The following SGCZ variants were observed in gnomAD, a reference collection of about 807,000 sequenced individuals.
The protein encoded by SGCZ is sarcoglycan zeta, also known as zeta-sarcoglycan.
SGCZ carries 40 observed loss-of-function variants against 41.3 expected under a neutral mutation model. The ratio of observed to expected loss-of-function variants is 0.97; its 90% CI spans 0.75 to 1.26. The LOEUF (loss-of-function observed/expected upper bound fraction) is 1.26. Ranked by LOEUF, SGCZ falls within the 50% of genes most tolerant of loss-of-function variation. The pLI is 0.00. For synonymous variants in SGCZ, 206 were observed against 137.5 expected (o/e 1.50, Z -3.49); for missense variants, 552 against 369.8 (o/e 1.49, Z -4.04).
intron 1 of SGCZ, among the ~76,000 whole-genome samples, chr8:14,601,529 T>C (rs1192682311): frequency 6.6e-6 from 1 of 152,190 alleles, no homozygotes; most frequent in Non-Finnish European, 1.5e-5. Flanking sequence ...TTTATGTGTT[T>C]TATATGTTCG....
At chr8:14,143,344 A>G (rs1366910905) in intron 5 of SGCZ, among the ~76,000 whole-genome samples, 1 of 152,170 alleles carries the variant, frequency 6.6e-6, no homozygotes, top group Non-Finnish European at 1.5e-5. Context: ...AAAGAAATAA[A>G]ATACATACAG....
At chr8:14,562,708 T>G (rs1804242497) in intron 1 of SGCZ, among the ~76,000 whole-genome samples, 1 of 151,998 alleles carries the variant, frequency 6.6e-6, no homozygotes, top group East Asian at 1.9e-4. Context: ...TTTTGAGAGA[T>G]AAAGAAAATC....
At chr8:14,489,943 C>T (rs543958440) in intron 2 of SGCZ, among the ~76,000 whole-genome samples, 1 of 150,472 alleles carries the variant, frequency 6.6e-6, no homozygotes, top group South Asian at 2.1e-4. Flanking sequence ...TCTTGGCTCA[C>T]TGCAACCTCC....
chr8:14,818,122 A>G (rs1019957446), intron 1 of SGCZ, among the ~76,000 whole-genome samples: 1 of 151,550 alleles, frequency 6.6e-6, no homozygotes, highest in South Asian at 2.1e-4. Flanking sequence ...AGTGACCCCA[A>G]CTCCCTGGAG....
rs181434187 is a variant in SGCZ at position 14,915,245 on chromosome 8, A to G, written c.39+322340T>C. ...CAAGCCTTTATTAGGAAAGAAATCT[A>G]TTTGAACATGTATATATGCTGTTAT... On this transcript the variant is annotated intron_variant, in intron 1 of 7. Transcript: ENST00000382080. Among the ~76,000 whole-genome samples, 226 of 152,316 alleles carry G rather than the reference A, an allele frequency of 1.5e-3. 3 individuals are homozygous for G. The highest frequency in any genetic ancestry group is 0.012 in the Admixed American group (185 of 15,290).
chr8:14,943,747 T>C (rs1800353316), intron 1 of SGCZ, among the ~76,000 whole-genome samples: 3 of 152,142 alleles, frequency 2.0e-5, no homozygotes, highest in Non-Finnish European at 4.4e-5. Flanking sequence ...CACCCTCAAG[T>C]AGGCCCTGGT....
At chr8:14,734,503 C>A (rs903040107) in intron 1 of SGCZ, among the ~76,000 whole-genome samples, 16 of 152,062 alleles carry the variant, frequency 1.1e-4, no homozygotes, top group Admixed American at 4.6e-4. Context: ...TTTAGCAACC[C>A]AAGGAACTTA....
chr8:14,443,211 A>T (rs867705533), intron 2 of SGCZ, among the ~76,000 whole-genome samples: 1 of 152,106 alleles, frequency 6.6e-6, no homozygotes, highest in Admixed American at 6.6e-5. Flanking sequence ...GGAAGAATCA[A>T]TATTGTGAAA....
intron 1 of SGCZ, among the ~76,000 whole-genome samples, chr8:14,667,898 C>G (rs1233431023): frequency 6.6e-6 from 1 of 152,104 alleles, no homozygotes; most frequent in Non-Finnish European, 1.5e-5. Flanking sequence ...CTCTTAGATA[C>G]CTAGAGTTTA....
chr8:14,102,419 G>A lies in SGCZ; in HGVS notation c.701C>T (p.Ala234Val). 1 of 1,532,644 alleles carries A rather than the reference G, an allele frequency of 6.5e-7. No homozygotes were observed. The highest frequency in any genetic ancestry group is 8.9e-7 in the Non-Finnish European group (1 of 1,128,702). The allele number at this position is 1,532,644 out of a possible 1,614,324, so 94.9% of individuals were successfully genotyped here. A position where few individuals can be genotyped will look rare whatever the true frequency, so the allele number is the denominator to read the frequency against. The change falls in exon 7 of 8, where the codon GCC becomes GTC. Residue 234 changes from alanine (A) to valine (V), a missense_variant. By Grantham distance (64) the Ala-to-Val change is moderately conservative (BLOSUM62 0). Coordinates refer to ENST00000382080, the MANE Select transcript of SGCZ (RefSeq NM_139167.4). ...QVSAAAGDFK[A>V]TCRKELHLQS... ...CAGATGGAGCTCCTTCCTGCAGGTG[G>A]CCTTGAAGTCTCCTGCAGCAGCACT...
intron 1 of SGCZ, among the ~76,000 whole-genome samples, chr8:14,972,939 C>T (rs1478751619): frequency 6.6e-6 from 1 of 152,074 alleles, no homozygotes; most frequent in Non-Finnish European, 1.5e-5. Flanking sequence ...AGAGGTCATC[C>T]CTTTGTGTAG....
intron 3 of SGCZ, among the ~76,000 whole-genome samples, chr8:14,295,028 T>C (rs73529480): frequency 0.049 from 7,389 of 152,268 alleles, 521 homozygotes; most frequent in African/African-American, 0.16. Context: ...TTTCAATTTC[T>C]TGAAAATTAA....
intron 3 of SGCZ, among the ~76,000 whole-genome samples, chr8:14,313,326 T>A (rs6998663): frequency 0.12 from 18,078 of 151,948 alleles, 1,248 homozygotes; most frequent in African/African-American, 0.19. Flanking sequence ...TTAATTAATT[T>A]ATTTATTTTG....
intron 3 of SGCZ, among the ~76,000 whole-genome samples, chr8:14,241,979 A>C (rs1355341319): frequency 1.3e-5 from 2 of 152,158 alleles, no homozygotes; most frequent in East Asian, 1.9e-4. Flanking sequence ...CAGTGCTTGT[A>C]ATATATTCAG....
At chr8:15,228,046 T>A (rs1801832086) in intron 1 of SGCZ, among the ~76,000 whole-genome samples, 1 of 152,220 alleles carries the variant, frequency 6.6e-6, no homozygotes, top group South Asian at 2.1e-4. Context: ...ATGGAACAGA[T>A]GTTTGAAAAA....
chr8:14,284,433 G>C (rs571344876), intron 3 of SGCZ, among the ~76,000 whole-genome samples: 2 of 152,230 alleles, frequency 1.3e-5, no homozygotes, highest in Admixed American at 6.5e-5. Context: ...TTTTAGTATA[G>C]GTTTACTAAT....
intron 1 of SGCZ, among the ~76,000 whole-genome samples, chr8:14,788,912 A>C (rs771611902): frequency 2.6e-5 from 4 of 152,118 alleles, no homozygotes; most frequent in Non-Finnish European, 4.4e-5. Context: ...GGAGTTTGAC[A>C]CCAGCCTGGG....
At chr8:14,740,486 T>A (rs1212518985) in intron 1 of SGCZ, among the ~76,000 whole-genome samples, 1 of 152,026 alleles carries the variant, frequency 6.6e-6, no homozygotes, top group African/African-American at 2.4e-5. Flanking sequence ...GCCCTGTGGA[T>A]GGCTCACAAA....
At chr8:14,525,045 GTA>G (rs1318045447) in intron 2 of SGCZ, among the ~76,000 whole-genome samples, 2 of 151,952 alleles carry the variant, frequency 1.3e-5, no homozygotes, top group Non-Finnish European at 2.9e-5. Flanking sequence ...AGATTGATAG[GTA>G]GAGAGATAGA....
Sources: allele counts gnomAD v4.1 joint callset (sites outside exome capture counted in the v4.1 genomes callset), GRCh38; gene constraint gnomAD v4.1.1; transcripts MANE v1.5; gene names NCBI Gene and HGNC (gene_info 2026-07-23, HGNC 2026-07-21).